The following PIEZO2 variants were observed in gnomAD, a reference collection of about 807,000 sequenced individuals.
PIEZO2 encodes piezo-type mechanosensitive ion channel component 2.
A neutral mutation model predicts 337.3 loss-of-function variants in PIEZO2; 172 were observed. The observed-to-expected ratio is 0.51, with a 90% CI of 0.45 to 0.58. PIEZO2 has a LOEUF of 0.58. Among genes scored for constraint, PIEZO2 ranks in the 20% least tolerant of loss-of-function variants. PIEZO2 has a pLI of 0.00. For missense variants in PIEZO2, 3,028 were observed against 3,391.3 expected, an observed-to-expected ratio of 0.89 and a Z score of 2.66; for synonymous variants, 1,251 against 1,228.5, an observed-to-expected ratio of 1.02 and a Z score of -0.38.
intron 2 of PIEZO2, among the ~76,000 whole-genome samples, chr18:11,014,301 C>A (rs1324180061): frequency 2.8e-5 from 2 of 72,400 alleles, no homozygotes; most frequent in African/African-American, 9.7e-5. Flanking sequence ...AGGCACGTCA[C>A]CCTGGGTGGG....
intron 27 of PIEZO2, among the ~76,000 whole-genome samples, chr18:10,757,262 A>C (rs2037908444): frequency 1.4e-5 from 2 of 143,884 alleles, no homozygotes; most frequent in African/African-American, 2.6e-5. Flanking sequence ...TATGGGGATG[A>C]ATATGAGGGA....
chr18:11,093,583 T>C (rs1420227158), intron 1 of PIEZO2, among the ~76,000 whole-genome samples: 1 of 140,116 alleles, frequency 7.1e-6, no homozygotes, highest in Non-Finnish European at 1.5e-5. Flanking sequence ...CATCTTTTTT[T>C]TTTTTTTTTT....
intron 2 of PIEZO2, among the ~76,000 whole-genome samples, chr18:11,004,591 A>T (rs2035656840): frequency 1.3e-5 from 2 of 152,220 alleles, no homozygotes; most frequent in Non-Finnish European, 2.9e-5. Context: ...AAAACGCAAA[A>T]TAAACCAATA....
At chr18:11,015,814 G>T (rs1179575221) in intron 2 of PIEZO2, among the ~76,000 whole-genome samples, 1 of 152,100 alleles carries the variant, frequency 6.6e-6, no homozygotes, top group African/African-American at 2.4e-5. Context: ...CAATAAACAC[G>T]AACACACACA....
chr18:10,915,850 T>TA (rs759563094), intron 3 of PIEZO2, among the ~76,000 whole-genome samples: 5 of 152,118 alleles, frequency 3.3e-5, no homozygotes, highest in Admixed American at 3.3e-4. Context: ...CAGTGACTAT[T>TA]ACAGTTCTTA....
intron 7 of PIEZO2, among the ~76,000 whole-genome samples, 195 bp from the exon 8 acceptor site, chr18:10,807,469 T>A (rs1039607947): frequency 2.6e-5 from 4 of 152,246 alleles, no homozygotes; most frequent in Admixed American, 6.5e-5. Context: ...ATGTATAATA[T>A]GCATATAATA....
chr18:10,956,925 C>T (rs1273204717), intron 3 of PIEZO2, among the ~76,000 whole-genome samples: 8 of 149,930 alleles, frequency 5.3e-5, no homozygotes. Flanking sequence ...GCCGAGATCA[C>T]ACCTTTGTGC....
At chr18:11,062,402 G>C (rs1035120636) in intron 2 of PIEZO2, among the ~76,000 whole-genome samples, 2 of 152,108 alleles carry the variant, frequency 1.3e-5, no homozygotes, top group East Asian at 3.9e-4. Flanking sequence ...AGCCAAAATT[G>C]ACAAATGGGA....
chr18:10,689,391 A>T (rs939677526), intron 49 of PIEZO2, among the ~76,000 whole-genome samples: 1 of 152,198 alleles, frequency 6.6e-6, no homozygotes, highest in Non-Finnish European at 1.5e-5. Flanking sequence ...AGTTGTTGGG[A>T]TATAGCAAGC....
chr18:10,705,696 G>A lies in PIEZO2; in HGVS notation c.5639C>T (p.Thr1880Ile). 2 of 1,536,624 alleles carry A rather than the reference G, an allele frequency of 1.3e-6. No homozygotes were observed. Among genetic ancestry groups the A allele is most frequent in the Non-Finnish European group, 1.7e-6 (2 of 1,146,742 alleles). Residue 1880 changes from threonine to isoleucine, a missense_variant, in exon 41 of 56, where the codon ACC becomes ATC. This residue lies in a region of PIEZO2 where 1,925 missense variants were observed against 2,051.9 expected (regional missense o/e 0.94). Coordinates refer to ENST00000674853, the MANE Select transcript of PIEZO2 (RefSeq NM_001378183.1). ...MLYSRQGTTE[T>I]IEEVEAEQEE... Reference sequence around the variant, plus strand: ...CTGCTCAGCCTCCACCTCCTCGATGGTCTCAGTGGTCCCCTGGCGTGAGTA... The same window carrying A: ...CTGCTCAGCCTCCACCTCCTCGATGATCTCAGTGGTCCCCTGGCGTGAGTA...
chr18:10,802,250 AAAT>A (rs746927990), intron 9 of PIEZO2, among the ~76,000 whole-genome samples: 65 of 152,192 alleles, frequency 4.3e-4, no homozygotes, highest in Non-Finnish European at 5.6e-4. Context: ...GGCTTCCCCC[AAAT>A]AATAATTAGC....
rs902002053 is a variant in PIEZO2, at chr18:10,781,933, T to C, written c.2493-1567A>G. Reference sequence around the variant, plus strand: ...GAAAGCAAAGCCTGACAGTCAATCCTAACTCTCAAAATATTCCTTTTTCTT... The same window carrying C: ...GAAAGCAAAGCCTGACAGTCAATCCCAACTCTCAAAATATTCCTTTTTCTT... On this transcript the variant is annotated intron_variant, in intron 17 of 55. Coordinates refer to ENST00000674853, the MANE Select transcript of PIEZO2 (RefSeq NM_001378183.1). The surrounding 1 kb of genome is among the most constrained non-coding windows in gnomAD (Gnocchi z 4.1). Among the ~76,000 whole-genome samples, 205 of 152,136 alleles carry C rather than the reference T, an allele frequency of 1.3e-3. 1 individual carries two copies. The highest frequency in any genetic ancestry group is 4.6e-3 in the African/African-American group (193 of 41,506).
intron 3 of PIEZO2, among the ~76,000 whole-genome samples, chr18:10,968,292 C>G (rs899411638): frequency 6.6e-6 from 1 of 152,188 alleles, no homozygotes; most frequent in African/African-American, 2.4e-5. Flanking sequence ...GTTCTCTAGT[C>G]TATTCCATTA....
At chr18:11,059,422 C>T (rs934056650) in intron 2 of PIEZO2, among the ~76,000 whole-genome samples, 97 of 152,194 alleles carry the variant, frequency 6.4e-4, no homozygotes, top group Non-Finnish European at 8.4e-4. Flanking sequence ...ACCTTAAATG[C>T]AAATGGGCTA....
At chr18:10,999,563 C>G (rs951135831) in intron 2 of PIEZO2, among the ~76,000 whole-genome samples, 1 of 151,864 alleles carries the variant, frequency 6.6e-6, no homozygotes, top group Non-Finnish European at 1.5e-5. Context: ...TTATTTAAAA[C>G]ATATGGGAGA....
rs945097232 is a variant in PIEZO2, at chr18:10,708,358, G to A, written c.5505C>T (p.Ser1835=). The A allele has an allele frequency of 1.3e-5, 2 of 152,652 alleles. No homozygotes were observed. Among genetic ancestry groups the A allele is most frequent in the African/African-American group, 4.8e-5 (2 of 41,452 alleles). The allele number at this position is 152,652 out of a possible 1,614,324, so 9.5% of individuals were successfully genotyped here. ...DLDGQEIPKT[S]ERARPRLRKM... ...TACGGAGCCTAGGCCGAGCACGCTCGCTTGTTTTAGGAATTTCTTGTCCAT... is the reference window on the plus strand; with the variant it reads ...TACGGAGCCTAGGCCGAGCACGCTCACTTGTTTTAGGAATTTCTTGTCCAT... Residue 1835 remains serine, a synonymous_variant, in exon 40 of 56, where the codon AGC becomes AGT. Transcript: ENST00000674853.
rs145619130 is a variant in PIEZO2 at position 10,726,481 on chromosome 18, G to A, written c.5029+4926C>T. The A allele has an allele frequency of 1.4e-4, 219 of 1,519,440 alleles. No homozygotes were observed. The highest frequency in any genetic ancestry group is 4.6e-4 in the Middle Eastern group (2 of 4,342). The allele number at this position is 1,519,440 out of a possible 1,614,324, so 94.1% of individuals were successfully genotyped here. On this transcript the variant is annotated intron_variant, in intron 36 of 55. Coordinates refer to ENST00000674853, the MANE Select transcript of PIEZO2 (RefSeq NM_001378183.1). This position sits in a 1 kb window ranked among gnomAD's most constrained non-coding sequence, Gnocchi z 5.9. ...CCCACGAGGAGGGCCTGGCCACCCT[G>A]CACAGCGTGCTGCTCCGCAAGCAGC...
intron 27 of PIEZO2, among the ~76,000 whole-genome samples, chr18:10,754,967 A>G (rs1278835791): frequency 6.6e-6 from 1 of 152,190 alleles, no homozygotes; most frequent in Non-Finnish European, 1.5e-5. Context: ...AAAGGGCTCC[A>G]TGTGTGCAAA....
At chr18:10,757,928 C>G (rs1475016569) in intron 27 of PIEZO2, 41 bp downstream of exon 27, 1 of 1,486,710 alleles carries the variant, frequency 6.7e-7, no homozygotes, top group African/African-American at 1.4e-5. Flanking sequence ...TGGAAATGCA[C>G]ACATCAAAGT....
Sources: allele counts gnomAD v4.1 joint callset (sites outside exome capture counted in the v4.1 genomes callset), GRCh38; gene constraint gnomAD v4.1.1; regional missense constraint gnomAD v4.1.1; non-coding constraint Gnocchi (gnomAD v3.1); transcripts MANE v1.5; gene names NCBI Gene and HGNC (gene_info 2026-07-23, HGNC 2026-07-21).